EHD2: variants seen among roughly 807,000 people sequenced by gnomAD.
EHD2 encodes the protein EH domain containing 2, also known as EH domain-containing protein 2.
Under a neutral mutation model 41.0 loss-of-function variants are expected in EHD2, and 27 were observed. The observed-to-expected ratio is 0.66, with a 90% CI of 0.49 to 0.91. EHD2 has a LOEUF of 0.91. EHD2 is among the 40% of genes least tolerant of loss of function. The pLI is 0.00. For missense variants in EHD2, 673 were observed against 773.9 expected (o/e 0.87, Z 1.55); for synonymous variants, 342 against 341.0 (o/e 1.00, Z -0.03).
At chr19:47,726,615 T>TGTTCCTCTCTCCCTTCCTCC in intron 4 of EHD2, among the ~76,000 whole-genome samples, 1 of 151,158 alleles carries the variant, frequency 6.6e-6, no homozygotes, top group African/African-American at 2.4e-5. Flanking sequence ...TTCCTTCCTC[T>TGTTCCTCTCTCCCTTCCTCC]GTTCCTCTCT....
intron 5 of EHD2, among the ~76,000 whole-genome samples, chr19:47,738,370 T>C (rs979828306): frequency 3.9e-5 from 6 of 152,022 alleles, no homozygotes; most frequent in African/African-American, 1.4e-4. Flanking sequence ...TGGCAAGATC[T>C]TGACTCACTA....
chr19:47,716,942 C>G lies in EHD2; in HGVS notation c.330C>G (p.Pro110=). ...ACGGGGACACTGAGGGCACCGTGCC[C>G]GGCAACGCCCTCGTCGTGGACCCGG... is the stretch of plus-strand genomic sequence containing the variant. The part of the protein sequence containing the change: ...VMHGDTEGTV[P]GNALVVDPDK... Residue 110 remains proline, a synonymous_variant, in exon 2 of 6, where the codon CCC becomes CCG. Transcript: ENST00000263277. 1 of 1,608,662 alleles carries G rather than the reference C, an allele frequency of 6.2e-7. No homozygotes were observed. Among genetic ancestry groups the G allele is most frequent in the Non-Finnish European group, 8.5e-7 (1 of 1,179,948 alleles).
chr19:47,740,228 G>A (rs569669943), intron 5 of EHD2, among the ~76,000 whole-genome samples: 1 of 151,690 alleles, frequency 6.6e-6, no homozygotes, highest in African/African-American at 2.4e-5. Context: ...CTAGTTGGGC[G>A]TAGTGGCGCA....
At chr19:47,730,475 C>T (rs1568591498) in intron 4 of EHD2, among the ~76,000 whole-genome samples, 1 of 152,150 alleles carries the variant, frequency 6.6e-6, no homozygotes, top group Non-Finnish European at 1.5e-5. Context: ...CTCACTGCCC[C>T]TCCTTTGCCC....
At chr19:47,728,812 C>T (rs539837254) in intron 4 of EHD2, among the ~76,000 whole-genome samples, 3 of 149,736 alleles carry the variant, frequency 2.0e-5, no homozygotes, top group African/African-American at 7.3e-5. Context: ...TCAGGTGATC[C>T]GCCCGCCTTG....
intron 5 of EHD2, among the ~76,000 whole-genome samples, chr19:47,738,412 C>A (rs1319648606): frequency 1.3e-5 from 2 of 152,076 alleles, no homozygotes; most frequent in Non-Finnish European, 2.9e-5. Context: ...AAGCAATTAT[C>A]CTGCCTCAGC....
At chr19:47,739,244 G>A (rs1344677888) in intron 5 of EHD2, among the ~76,000 whole-genome samples, 1 of 150,418 alleles carries the variant, frequency 6.6e-6, no homozygotes, top group East Asian at 2.0e-4. Context: ...GGGACTGCAG[G>A]CGTGCACCAC....
rs1217633691 is a variant in EHD2 at position 47,741,475 on chromosome 19, A to G, written c.*43A>G. The G allele has an allele frequency of 4.6e-6, 7 of 1,527,520 alleles. No individual in the cohort carries two copies. The highest frequency in any genetic ancestry group is 2.0e-5 in the Admixed American group (1 of 50,010). The allele number at this position is 1,527,520 out of a possible 1,614,324, so 94.6% of individuals were successfully genotyped here. On this transcript the variant is annotated 3_prime_UTR_variant, in exon 6 of 6. Transcript: ENST00000263277. This position sits in a 1 kb window ranked among gnomAD's most constrained non-coding sequence, Gnocchi z 4.5. ...GGCCCTGCTGTGGCTCCCCAGCTCC[A>G]GTCGGCTGCACGCACACCCCTGCTC...
rs973712255 is a variant in EHD2 at position 47,741,000 on chromosome 19, G to A, written c.1200G>A (p.Glu400=). Residue 400 remains glutamate (E), a synonymous_variant, in exon 6 of 6, where the codon GAG becomes GAA. Transcript: ENST00000263277. ...AGCTCATGCCCCTGCTGCGGCAGGA[G>A]GAGCTGGAGAGCACCGAGGTGGGCG... ...IAKLMPLLRQ[E]ELESTEVGVQ... 18 of 1,611,106 alleles carry A rather than the reference G, an allele frequency of 1.1e-5. No individual in the cohort carries two copies. The highest frequency in any genetic ancestry group is 1.4e-5 in the Non-Finnish European group (17 of 1,179,908).
In EHD2 at chr19:47,736,347, G is replaced by A. The variant is rs150829735; in HGVS notation, c.916-22G>A. 931 of 1,594,548 alleles carry A rather than the reference G, an allele frequency of 5.8e-4. 3 individuals are homozygous for A. In the African/African-American group the frequency reaches 9.7e-3, roughly 17 times the overall value. On this transcript the variant is annotated intron_variant, in intron 4 of 5. Transcript: ENST00000263277. Reference sequence around the variant, plus strand: ...TCCCTGGTGGACCCTGATGCAGGCTGAGGTGAGAACCCTTCCCACAGGTTC... The same window carrying A: ...TCCCTGGTGGACCCTGATGCAGGCTAAGGTGAGAACCCTTCCCACAGGTTC...
intron 4 of EHD2, 71 bp downstream of exon 4, chr19:47,726,295 G>C (rs1973751978): frequency 2.1e-6 from 3 of 1,437,312 alleles, no homozygotes; most frequent in African/African-American, 2.9e-5. Context: ...CCAGTGCTGT[G>C]AGTCCCTGAC....
In EHD2 at chr19:47,719,768, C is replaced by T. The variant is rs1414964533; in HGVS notation, c.502+1162C>T. On this transcript the variant is annotated intron_variant, in intron 3 of 5. Transcript: ENST00000263277. The surrounding 1 kb of genome is among the most constrained non-coding windows in gnomAD (Gnocchi z 4.1). The stretch of plus-strand genomic sequence containing the variant: ...CTGAGGGGGAGGAATTCCTGGGGCT[C>T]CCACCCCAGGGCCTGGACCTGGGAC... 2.0e-5 allele frequency among the ~76,000 whole-genome samples: 3 copies of T among 151,920 alleles called. No homozygotes were observed. The highest frequency in any genetic ancestry group is 4.4e-5 in the Non-Finnish European group (3 of 67,948).
chr19:47,740,891 T>C lies in EHD2; in HGVS notation c.1091T>C (p.Met364Thr). Residue 364 changes from methionine to threonine, a missense_variant, in exon 6 of 6, where the codon ATG becomes ACG. Coordinates refer to ENST00000263277, the MANE Select transcript of EHD2 (RefSeq NM_014601.4). ...PDCQKMQELL[M>T]AHDFTKFHSL... Reference sequence around the variant, plus strand: ...TGTCCCCCACCACAGGAGCTGCTGATGGCGCACGACTTCACCAAGTTTCAC... The same window carrying C: ...TGTCCCCCACCACAGGAGCTGCTGACGGCGCACGACTTCACCAAGTTTCAC... 6.2e-7 allele frequency: 1 copy of C among 1,613,114 alleles called. No individual in the cohort carries two copies. Among genetic ancestry groups the C allele is most frequent in the Non-Finnish European group, 8.5e-7 (1 of 1,179,910 alleles).
In EHD2 at chr19:47,718,551, C is replaced by G; in HGVS notation, c.447C>G (p.Ile149Met). 12 of 1,588,422 alleles carry G rather than the reference C, an allele frequency of 7.6e-6. No individual in the cohort carries two copies. The highest frequency in any genetic ancestry group is 1.0e-5 in the Non-Finnish European group (12 of 1,167,110). ...TCCCTAATCAGGTCCTGGAGAGCAT[C>G]AGCATCATCGACACCCCGGGTATCC... ...AQLPNQVLES[I>M]SIIDTPGILS... Residue 149 changes from isoleucine (I) to methionine (M), a missense_variant, in exon 3 of 6, where the codon ATC becomes ATG. Coordinates refer to ENST00000263277, the MANE Select transcript of EHD2 (RefSeq NM_014601.4).
intron 3 of EHD2, among the ~76,000 whole-genome samples, chr19:47,723,630 T>C (rs1973719725): frequency 1.7e-5 from 2 of 117,912 alleles, no homozygotes; most frequent in African/African-American, 6.6e-5. Context: ...CACTCCAACC[T>C]GGGCGACAGC....
In EHD2 at chr19:47,716,807, C is replaced by CCAGTA; in HGVS notation, c.199_203dup (p.Gly70AlafsTer98). On this transcript the variant is annotated frameshift_variant, in exon 2 of 6. Transcript: ENST00000263277. LOFTEE classifies it high-confidence loss of function. ...GCAAGCCCATGGTGCTGGTGGCCGG[C>CCAGTA]CAGTACAGCACGGGCAAGACCAGCT... is the stretch of plus-strand genomic sequence containing the variant. 1.2e-6 allele frequency: 2 copies of CCAGTA among 1,610,592 alleles called. No individual in the cohort carries two copies. Among genetic ancestry groups the CCAGTA allele is most frequent in the South Asian group, 2.2e-5 (2 of 90,470 alleles).
chr19:47,737,105 C>T (rs985101890), intron 5 of EHD2, among the ~76,000 whole-genome samples: 10 of 151,920 alleles, frequency 6.6e-5, no homozygotes, highest in African/African-American at 2.4e-4. Context: ...GTGGTGGGCG[C>T]CTGTAGTCCC....
Position 47,740,981 on chromosome 19 carries a change from T to C in EHD2, c.1181T>C (p.Met394Thr). The C allele has an allele frequency of 6.2e-7, 1 of 1,612,026 alleles. No homozygotes were observed. The highest frequency in any genetic ancestry group is 1.1e-5 in the South Asian group (1 of 91,076). ...CTGACGCACGACATCGCCAAGCTCA[T>C]GCCCCTGCTGCGGCAGGAGGAGCTG... ...EMLTHDIAKLMPLLRQEELES... is the reference protein window; with the variant it reads ...EMLTHDIAKLTPLLRQEELES... Residue 394 changes from methionine (M) to threonine (T), a missense_variant, in exon 6 of 6, where the codon ATG becomes ACG. Coordinates refer to ENST00000263277, the MANE Select transcript of EHD2 (RefSeq NM_014601.4).
chr19:47,722,235 G>A (rs868409610), intron 3 of EHD2, among the ~76,000 whole-genome samples: 3 of 151,970 alleles, frequency 2.0e-5, no homozygotes, highest in Non-Finnish European at 4.4e-5. Context: ...TTTTTGCCAC[G>A]TCTCCCATCC....
Sources: gnomAD v4.1 joint callset for allele counts (sites outside exome capture counted in the v4.1 genomes callset) on GRCh38, gnomAD v4.1.1 for gene constraint, Gnocchi (gnomAD v3.1) non-coding constraint, MANE v1.5 for transcripts, NCBI Gene and HGNC (gene_info 2026-07-23, HGNC 2026-07-21) for gene names.